The following NEGR1 variants were observed in gnomAD, a reference collection of about 807,000 sequenced individuals.
NEGR1 encodes the protein neuronal growth regulator 1, also known as IgLON family member 4.
In NEGR1, 10 loss-of-function variants were observed where a neutral mutation model predicts 40.9. The ratio of observed to expected loss-of-function variants is 0.24; its 90% confidence interval spans 0.15 to 0.42. The LOEUF is 0.42. Among genes scored for constraint, NEGR1 ranks in the 10% least tolerant of loss-of-function variants. The probability of loss-of-function intolerance (pLI) is 1.00; values close to 1 mark genes in which losing one functional copy is unlikely to be tolerated. For missense variants in NEGR1, 352 were observed against 438.9 expected (o/e 0.80, Z 1.77); for synonymous variants, 185 against 166.8 (o/e 1.11, Z -0.84).
chr1:71,746,381 A>G (rs1655382584), intron 3 of NEGR1, among the ~76,000 whole-genome samples: 1 of 152,230 alleles, frequency 6.6e-6, no homozygotes, highest in Non-Finnish European at 1.5e-5. Flanking sequence ...CTAACACGGG[A>G]TAGCAAACTT....
chr1:71,695,178 C>A (rs938998690), intron 4 of NEGR1, among the ~76,000 whole-genome samples: 1 of 151,786 alleles, frequency 6.6e-6, no homozygotes, highest in Non-Finnish European at 1.5e-5. Flanking sequence ...TACTCACAAT[C>A]ACATCCCTTC....
intron 2 of NEGR1, among the ~76,000 whole-genome samples, chr1:71,918,005 C>T (rs1661644932): frequency 6.7e-6 from 1 of 150,206 alleles, no homozygotes; most frequent in Non-Finnish European, 1.5e-5. Context: ...ATCACAAGGT[C>T]AGGAGATCGA....
At chr1:71,520,101 G>A (rs1189947490) in intron 6 of NEGR1, among the ~76,000 whole-genome samples, 2 of 152,044 alleles carry the variant, frequency 1.3e-5, no homozygotes, top group Non-Finnish European at 2.9e-5. Context: ...TAATTTTTAA[G>A]TTTGTAGGAG....
chr1:71,565,700 A>C (rs1433346555), intron 6 of NEGR1, among the ~76,000 whole-genome samples: 1 of 152,184 alleles, frequency 6.6e-6, no homozygotes, highest in East Asian at 1.9e-4. Context: ...AATAAATATG[A>C]TAGATGCAAT....
At chr1:72,196,572 C>A (rs1340945937) in intron 1 of NEGR1, among the ~76,000 whole-genome samples, 2 of 151,940 alleles carry the variant, frequency 1.3e-5, no homozygotes, top group East Asian at 3.9e-4. Flanking sequence ...GAGTTCAAGA[C>A]CAGCCTAGTC....
chr1:71,638,663 G>A (rs1651241907), intron 4 of NEGR1, among the ~76,000 whole-genome samples: 1 of 151,912 alleles, frequency 6.6e-6, no homozygotes. Flanking sequence ...TACAACTAAG[G>A]CAAAGAGAAG....
chr1:71,674,925 AC>A (rs1390325805), intron 4 of NEGR1, among the ~76,000 whole-genome samples: 2 of 151,476 alleles, frequency 1.3e-5, no homozygotes, highest in Non-Finnish European at 2.9e-5. Flanking sequence ...GAATGTAGGC[AC>A]CTTGAAACCT....
At chr1:72,266,989 T>C (rs1005171163) in intron 1 of NEGR1, among the ~76,000 whole-genome samples, 11 of 151,144 alleles carry the variant, frequency 7.3e-5, no homozygotes, top group Admixed American at 3.3e-4. Flanking sequence ...AAAACTTTGA[T>C]GTTGATTGCT....
intron 6 of NEGR1, among the ~76,000 whole-genome samples, chr1:71,431,084 C>A (rs1408325573): frequency 6.7e-6 from 1 of 149,520 alleles, no homozygotes; most frequent in African/African-American, 2.5e-5. Context: ...TTTTTTATGA[C>A]CTTTTTTTTA....
chr1:71,763,145 T>A (rs1352736893), intron 3 of NEGR1, among the ~76,000 whole-genome samples: 1 of 152,192 alleles, frequency 6.6e-6, no homozygotes, highest in Non-Finnish European at 1.5e-5. Context: ...TCTGGCTACA[T>A]GAATGAACTC....
chr1:72,021,125 T>C (rs1177276591), intron 1 of NEGR1, among the ~76,000 whole-genome samples: 2 of 152,072 alleles, frequency 1.3e-5, no homozygotes, highest in Non-Finnish European at 1.5e-5. Flanking sequence ...AAATAAAATA[T>C]TACATTTTGA....
intron 1 of NEGR1, among the ~76,000 whole-genome samples, chr1:71,969,664 A>G (rs897776975): frequency 6.6e-6 from 1 of 152,192 alleles, no homozygotes; most frequent in Non-Finnish European, 1.5e-5. Context: ...TTACAACATG[A>G]TTAGGAAGTT....
chr1:71,409,088 T>A (rs1030230777), intron 6 of NEGR1: 1 of 152,042 alleles, frequency 6.6e-6, no homozygotes, highest in Non-Finnish European at 1.5e-5. Context: ...TGCATGTGTA[T>A]AATTACAAAT....
At chr1:71,819,815 A>T (rs1658360802) in intron 2 of NEGR1, among the ~76,000 whole-genome samples, 1 of 152,038 alleles carries the variant, frequency 6.6e-6, no homozygotes, top group Non-Finnish European at 1.5e-5. Context: ...GGTCAGGAAA[A>T]TGCTAGAATG....
At chr1:71,919,018 A>C (rs1452506515) in intron 2 of NEGR1, among the ~76,000 whole-genome samples, 1 of 152,184 alleles carries the variant, frequency 6.6e-6, no homozygotes, top group Non-Finnish European at 1.5e-5. Flanking sequence ...ACAAAAATAT[A>C]AATAGATGCA....
At chr1:72,224,380 G>C (rs1357019458) in intron 1 of NEGR1, among the ~76,000 whole-genome samples, 2 of 151,732 alleles carry the variant, frequency 1.3e-5, no homozygotes, top group East Asian at 3.9e-4. Flanking sequence ...GAAAGTGAAG[G>C]ATGCTATTAA....
intron 6 of NEGR1, among the ~76,000 whole-genome samples, chr1:71,452,331 C>A (rs1197488609): frequency 6.6e-6 from 1 of 152,094 alleles, no homozygotes; most frequent in Non-Finnish European, 1.5e-5. Context: ...TCACTTTTAA[C>A]AAGTTTTCTT....
chr1:71,753,018 C>A (rs1376918112), intron 3 of NEGR1, among the ~76,000 whole-genome samples: 6 of 152,036 alleles, frequency 3.9e-5, no homozygotes, highest in African/African-American at 7.2e-5. Flanking sequence ...TTAATAGCTT[C>A]GGCTTTGGGG....
At chr1:72,158,597 C>T in intron 1 of NEGR1, among the ~76,000 whole-genome samples, 1 of 152,192 alleles carries the variant, frequency 6.6e-6, no homozygotes, top group East Asian at 1.9e-4. Flanking sequence ...TCTCCTCTGT[C>T]TGTGCCAGAT....
Sources: gnomAD v4.1 joint callset for allele counts (sites outside exome capture counted in the v4.1 genomes callset) on GRCh38, gnomAD v4.1.1 for gene constraint, MANE v1.5 for transcripts, NCBI Gene and HGNC (gene_info 2026-07-23, HGNC 2026-07-21) for gene names.